ZFPM2: variants seen among roughly 807,000 people sequenced by gnomAD.
The protein encoded by ZFPM2 is zinc finger protein ZFPM2.
A neutral mutation model predicts 98.6 loss-of-function variants in ZFPM2; 20 were observed. The ratio of observed to expected loss-of-function variants is 0.20; its 90% CI spans 0.14 to 0.29. ZFPM2 has a LOEUF of 0.29. Ranked by LOEUF, ZFPM2 falls within the 10% of genes least tolerant of loss-of-function variation. The pLI is 1.00. For synonymous variants in ZFPM2, 518 were observed against 502.7 expected (o/e 1.03, Z -0.41); for missense variants, 1,310 against 1,388.6 (o/e 0.94, Z 0.90).
intron 5 of ZFPM2, among the ~76,000 whole-genome samples, chr8:105,645,618 A>C (rs1437807685): frequency 6.6e-6 from 1 of 152,208 alleles, no homozygotes; most frequent in Non-Finnish European, 1.5e-5. Context: ...TGCAGCTTGT[A>C]TGGTGACCAT....
chr8:105,660,481 C>A (rs1441093283), intron 5 of ZFPM2, among the ~76,000 whole-genome samples: 2 of 152,008 alleles, frequency 1.3e-5, no homozygotes, highest in Admixed American at 1.3e-4. Flanking sequence ...TAAAGCAAGA[C>A]AATAATGGTA....
intron 1 of ZFPM2, among the ~76,000 whole-genome samples, chr8:105,369,781 T>C (rs1354607132): frequency 6.6e-6 from 1 of 152,130 alleles, no homozygotes; most frequent in Non-Finnish European, 1.5e-5. Context: ...GGAAAGGACC[T>C]ATACTATGTA....
intron 5 of ZFPM2, among the ~76,000 whole-genome samples, chr8:105,715,509 T>C (rs1811504651): frequency 6.6e-6 from 1 of 151,986 alleles, no homozygotes; most frequent in Non-Finnish European, 1.5e-5. Flanking sequence ...ATTGTATACT[T>C]TATTATTATG....
chr8:105,385,880 G>T (rs552231461), intron 1 of ZFPM2, among the ~76,000 whole-genome samples: 51 of 152,214 alleles, frequency 3.4e-4, no homozygotes, highest in African/African-American at 1.1e-3. Flanking sequence ...AGGGAAGAAT[G>T]GTGTAGTGGC....
chr8:105,538,032 A>C (rs1245475038), intron 3 of ZFPM2, among the ~76,000 whole-genome samples: 6 of 152,094 alleles, frequency 3.9e-5, no homozygotes, highest in Non-Finnish European at 8.8e-5. Flanking sequence ...ATTGACAACA[A>C]ATCTTTGCTA....
chr8:105,686,761 T>C (rs1810746537), intron 5 of ZFPM2, among the ~76,000 whole-genome samples: 1 of 152,210 alleles, frequency 6.6e-6, no homozygotes, highest in African/African-American at 2.4e-5. Context: ...TAAAAAATCA[T>C]ATAGGTGGTC....
intron 5 of ZFPM2, among the ~76,000 whole-genome samples, chr8:105,773,510 AAAAT>A (rs1264943639): frequency 3.3e-5 from 5 of 151,988 alleles, no homozygotes; most frequent in Admixed American, 6.6e-5. Flanking sequence ...TTTTAAAAAT[AAAAT>A]AAATCCTTTC....
intron 4 of ZFPM2, among the ~76,000 whole-genome samples, chr8:105,597,119 A>G (rs1156989348): frequency 1.3e-5 from 2 of 152,052 alleles, no homozygotes; most frequent in Non-Finnish European, 2.9e-5. Context: ...TGAAAAAAAA[A>G]TGCATTATTA....
chr8:105,458,747 AAAG>A (rs1339725810), intron 3 of ZFPM2, among the ~76,000 whole-genome samples: 1 of 152,166 alleles, frequency 6.6e-6, no homozygotes, highest in Non-Finnish European at 1.5e-5. Flanking sequence ...AGCCAAAAGA[AAAG>A]AAAAAAGAGA....
intron 4 of ZFPM2, among the ~76,000 whole-genome samples, chr8:105,614,767 G>T (rs1816379156): frequency 6.6e-6 from 1 of 152,004 alleles, no homozygotes; most frequent in Non-Finnish European, 1.5e-5. Context: ...TTGCTTTTAA[G>T]ACAGGAAAAC....
intron 4 of ZFPM2, among the ~76,000 whole-genome samples, chr8:105,601,643 T>A (rs1201157270): frequency 1.3e-5 from 2 of 152,070 alleles, no homozygotes; most frequent in Non-Finnish European, 2.9e-5. Context: ...CCTATTTTTC[T>A]TCTATATAGG....
chr8:105,732,259 G>A (rs759243681), intron 5 of ZFPM2, among the ~76,000 whole-genome samples: 2 of 151,708 alleles, frequency 1.3e-5, no homozygotes, highest in South Asian at 4.2e-4. Flanking sequence ...ATTCTTTCCA[G>A]ACTCACTAAA....
intron 5 of ZFPM2, among the ~76,000 whole-genome samples, chr8:105,684,100 C>T (rs1810678113): frequency 6.6e-6 from 1 of 152,146 alleles, no homozygotes; most frequent in African/African-American, 2.4e-5. Flanking sequence ...GCTTATTCCT[C>T]TTATTTACAC....
intron 3 of ZFPM2, among the ~76,000 whole-genome samples, chr8:105,478,492 G>C (rs935314644): frequency 6.6e-6 from 1 of 152,194 alleles, no homozygotes; most frequent in African/African-American, 2.4e-5. Context: ...GCCAGGGTTA[G>C]CTAAATTAAT....
intron 1 of ZFPM2, among the ~76,000 whole-genome samples, chr8:105,331,168 TACAC>T (rs113815707): frequency 5.5e-5 from 8 of 146,664 alleles, no homozygotes; most frequent in Admixed American, 1.4e-4. Context: ...ATATATATTA[TACAC>T]ACACACACAC....
intron 3 of ZFPM2, among the ~76,000 whole-genome samples, chr8:105,488,762 T>C (rs1027388392): frequency 2.0e-5 from 3 of 151,762 alleles, no homozygotes; most frequent in Non-Finnish European, 4.4e-5. Context: ...AGACTCCATC[T>C]CAAAAAAATA....
intron 5 of ZFPM2, among the ~76,000 whole-genome samples, chr8:105,727,249 T>G (rs563703117): frequency 3.7e-4 from 56 of 151,686 alleles, no homozygotes; most frequent in Non-Finnish European, 6.2e-4. Context: ...GAGGATCACT[T>G]GAGCTCAGGA....
At chr8:105,600,373 G>T (rs1382484968) in intron 4 of ZFPM2, among the ~76,000 whole-genome samples, 1 of 152,054 alleles carries the variant, frequency 6.6e-6, no homozygotes, top group Non-Finnish European at 1.5e-5. Flanking sequence ...CCAAGAGAAA[G>T]ATTATTTTTG....
At chr8:105,583,123 C>A (rs1407154441) in intron 4 of ZFPM2, among the ~76,000 whole-genome samples, 1 of 152,090 alleles carries the variant, frequency 6.6e-6, no homozygotes, top group African/African-American at 2.4e-5. Context: ...TGAAGCCAGT[C>A]TCTTTATTCC....
Sources: gnomAD v4.1 joint callset for allele counts (sites outside exome capture counted in the v4.1 genomes callset) on GRCh38, gnomAD v4.1.1 for gene constraint, MANE v1.5 for transcripts, NCBI Gene and HGNC (gene_info 2026-07-23, HGNC 2026-07-21) for gene names.